Variants in RGS8 observed in about 807,000 individuals in gnomAD.
RGS8 encodes the protein regulator of G protein signaling 8, also known as regulator of G-protein signaling 8.
RGS8 carries 8 observed loss-of-function variants against 21.7 expected under a neutral mutation model. That is an observed-to-expected ratio of 0.37 (90% confidence interval 0.22 to 0.66). The LOEUF is 0.66. Among genes scored for constraint, RGS8 ranks in the 30% least tolerant of loss-of-function variants. The pLI is 0.59. For synonymous variants in RGS8, 80 were observed against 83.6 expected (o/e 0.96, Z 0.24); for missense variants, 157 against 217.9 (o/e 0.72, Z 1.76).
At chr1:182,707,577 T>A in the RGS8 span, among the ~76,000 whole-genome samples, 1 of 152,214 alleles carries the variant, frequency 6.6e-6, no homozygotes, top group Non-Finnish European at 1.5e-5. Context: ...GGCCAGATGA[T>A]CTTTATGGTT....
At chr1:182,749,900 C>T in the RGS8 span, among the ~76,000 whole-genome samples, 10 of 152,112 alleles carry the variant, frequency 6.6e-5, no homozygotes, top group Non-Finnish European at 2.9e-5. Flanking sequence ...CCCCAACAGG[C>T]CCCAGTGTGT....
At chr1:182,698,298 T>C in the RGS8 span, among the ~76,000 whole-genome samples, 2 of 152,238 alleles carry the variant, frequency 1.3e-5, no homozygotes, top group African/African-American at 4.8e-5. Flanking sequence ...GTGTCCATCA[T>C]AGTAGTTAAG....
chr1:182,741,260 G>C, the RGS8 span, among the ~76,000 whole-genome samples: 1,307 of 142,312 alleles, frequency 9.2e-3, 76 homozygotes, highest in African/African-American at 0.035. Flanking sequence ...AGGCGCGGCC[G>C]GGCAGAAGCT....
At chr1:182,720,890 CACAT>C in the RGS8 span, among the ~76,000 whole-genome samples, 4 of 90,586 alleles carry the variant, frequency 4.4e-5, no homozygotes, top group South Asian at 3.8e-4. Flanking sequence ...TATATATATA[CACAT>C]ATATATACAT....
At chr1:182,647,048 C>T in intron 6 of RGS8, 131 bp from the exon 8 acceptor site, 2 of 791,128 alleles carry the variant, frequency 2.5e-6, no homozygotes, top group Non-Finnish European at 4.0e-6. Flanking sequence ...TTTCAAATTG[C>T]TTCCATGGAG....
At chr1:182,681,089 T>C (rs1235938228) in intron 1 of RGS8, among the ~76,000 whole-genome samples, 6 of 152,214 alleles carry the variant, frequency 3.9e-5, no homozygotes, top group African/African-American at 9.7e-5. Context: ...CACTTAGGCT[T>C]ATGAAAACAT....
chr1:182,741,307 G>T, the RGS8 span, among the ~76,000 whole-genome samples: 1 of 8,142 alleles, frequency 1.2e-4, no homozygotes. Context: ...GGCCGGGTGG[G>T]GGGCTGACCC....
At chr1:182,667,459 C>G (rs138227701) in intron 3 of RGS8, among the ~76,000 whole-genome samples, 1 of 152,272 alleles carries the variant, frequency 6.6e-6, no homozygotes, top group East Asian at 1.9e-4. Context: ...CAGGGGGCCT[C>G]AAGGCAGGCC....
the RGS8 span, among the ~76,000 whole-genome samples, chr1:182,717,904 C>T: frequency 3.3e-5 from 5 of 152,194 alleles, no homozygotes; most frequent in Admixed American, 3.3e-4. Flanking sequence ...ACAAGTTCAT[C>T]TCTTTTTCCA....
upstream of RGS8, chr1:182,672,115 G>A (rs79209927): frequency 1.0e-4 from 24 of 232,122 alleles, no homozygotes; most frequent in African/African-American, 3.0e-4. Context: ...GAGGCTGTGC[G>A]GGGGGCAGCA....
At chr1:182,744,628 G>A in the RGS8 span, among the ~76,000 whole-genome samples, 1 of 152,302 alleles carries the variant, frequency 6.6e-6, no homozygotes, top group South Asian at 2.1e-4. Flanking sequence ...AAATACCACT[G>A]TGTTACAATT....
At chr1:182,666,495 AG>A (rs1663866923) in intron 4 of RGS8, among the ~76,000 whole-genome samples, 1 of 152,208 alleles carries the variant, frequency 6.6e-6, no homozygotes, top group African/African-American at 2.4e-5. Context: ...CCAGCACAGA[AG>A]AGGTGCTGAA....
chr1:182,667,794 T>A (rs1347167535), intron 3 of RGS8, among the ~76,000 whole-genome samples: 1 of 152,234 alleles, frequency 6.6e-6, no homozygotes, highest in Non-Finnish European at 1.5e-5. Context: ...CTAATGTCTC[T>A]TTCTGACTCC....
upstream of RGS8, among the ~76,000 whole-genome samples, chr1:182,687,501 G>A (rs1365419632): frequency 6.6e-6 from 1 of 152,204 alleles, no homozygotes; most frequent in Non-Finnish European, 1.5e-5. Flanking sequence ...CCAGGGCTCT[G>A]CCAGACTGCC....
At chr1:182,709,932 G>A in the RGS8 span, among the ~76,000 whole-genome samples, 1 of 152,116 alleles carries the variant, frequency 6.6e-6, no homozygotes, top group Non-Finnish European at 1.5e-5. Context: ...CTAGATTCTG[G>A]GTTACAGGAG....
chr1:182,652,117 CA>C (rs1663050194), intron 5 of RGS8, among the ~76,000 whole-genome samples: 1 of 152,212 alleles, frequency 6.6e-6, no homozygotes, highest in Non-Finnish European at 1.5e-5. Flanking sequence ...CTTGGAAAAG[CA>C]ACTCAGAAGA....
At chr1:182,645,639 T>C (rs1662668297), downstream of RGS8, 1 of 152,188 alleles carries the variant, frequency 6.6e-6, no homozygotes, top group South Asian at 2.1e-4. Flanking sequence ...CTTCATAGTA[T>C]CCAAGAGAGA....
chr1:182,724,234 A>ATC, the RGS8 span, among the ~76,000 whole-genome samples: 1 of 119,752 alleles, frequency 8.4e-6, no homozygotes, highest in Non-Finnish European at 1.8e-5. Flanking sequence ...ATATATATAT[A>ATC]TATATATATA....
chr1:182,647,059 G>A, intron 6 of RGS8, 142 bp from the exon 8 acceptor site: 1 of 716,104 alleles, frequency 1.4e-6, no homozygotes, highest in South Asian at 1.9e-5. Flanking sequence ...TTCCATGGAG[G>A]TCATCCCTTT....
Sources: gnomAD v4.1 joint callset for allele counts (sites outside exome capture counted in the v4.1 genomes callset) on GRCh38, gnomAD v4.1.1 for gene constraint, MANE v1.5 for transcripts, NCBI Gene and HGNC (gene_info 2026-07-23, HGNC 2026-07-21) for gene names.